Variants in MCTP1 observed in about 807,000 individuals in gnomAD.
MCTP1 encodes the protein multiple C2 and transmembrane domain-containing protein 1.
Under a neutral mutation model 120.6 loss-of-function variants are expected in MCTP1, and 69 were observed. The ratio of observed to expected loss-of-function variants is 0.57; its 90% CI spans 0.47 to 0.70. MCTP1 has a LOEUF of 0.70. MCTP1 is among the 30% of genes least tolerant of loss of function. MCTP1 has a pLI of 0.00. For missense variants in MCTP1, 1,203 were observed against 1,248.8 expected, an observed-to-expected ratio of 0.96 and a Z score of 0.55; for synonymous variants, 529 against 493.1, an observed-to-expected ratio of 1.07 and a Z score of -0.96.
chr5:95,057,340 A>T (rs2152065200), intron 1 of MCTP1, among the ~76,000 whole-genome samples: 1 of 152,220 alleles, frequency 6.6e-6, no homozygotes, highest in East Asian at 1.9e-4. Context: ...GAAAATTCTT[A>T]TTTTTCCTGC....
At chr5:94,980,900 T>G (rs71641033) in intron 2 of MCTP1, 8 of 152,084 alleles carry the variant, frequency 5.3e-5, no homozygotes, top group Non-Finnish European at 1.2e-4. Context: ...ATCATATTAT[T>G]CCATATAGTC....
At chr5:95,002,333 C>A (rs1476988007) in intron 2 of MCTP1, among the ~76,000 whole-genome samples, 2 of 152,182 alleles carry the variant, frequency 1.3e-5, no homozygotes, top group Non-Finnish European at 2.9e-5. Flanking sequence ...AAGAGGGTCA[C>A]CGTCCTCCAG....
At position 95,284,654 on chromosome 5, in the gene MCTP1, T is replaced by G. The variant is rs1221471998; in HGVS notation, c.-79A>C. 2 of 1,189,132 alleles carry G rather than the reference T, an allele frequency of 1.7e-6. No homozygotes were observed. The highest frequency in any genetic ancestry group is 3.2e-5 in the East Asian group (1 of 31,440). The allele number at this position is 1,189,132 out of a possible 1,614,324, so 73.7% of individuals were successfully genotyped here. A position where few individuals can be genotyped will look rare whatever the true frequency, so the allele number is the denominator to read the frequency against. Reference sequence around the variant, plus strand: ...CTCCTCCCTCTTCGGCTGCACCTCCTCCCGGGTCCCCGCGGCGCTGGCGGT... The same window carrying G: ...CTCCTCCCTCTTCGGCTGCACCTCCGCCCGGGTCCCCGCGGCGCTGGCGGT... On this transcript the variant is annotated 5_prime_UTR_variant, in exon 1 of 23. Transcript: ENST00000515393. This position sits in a 1 kb window ranked among gnomAD's most constrained non-coding sequence, Gnocchi z 5.2.
intron 14 of MCTP1, 106 bp downstream of exon 14, chr5:94,871,209 C>T: frequency 1.3e-6 from 1 of 778,024 alleles, no homozygotes. Context: ...TATTACAGAC[C>T]TTGGTTGAGA....
At chr5:94,795,266 G>A (rs1779767191) in intron 18 of MCTP1, among the ~76,000 whole-genome samples, 1 of 151,838 alleles carries the variant, frequency 6.6e-6, no homozygotes, top group African/African-American at 2.4e-5. Context: ...GGTGGGGTGG[G>A]GATGGCGGCA....
At chr5:94,929,942 T>G (rs1814126277) in intron 6 of MCTP1, among the ~76,000 whole-genome samples, 1 of 152,118 alleles carries the variant, frequency 6.6e-6, no homozygotes, top group Non-Finnish European at 1.5e-5. Flanking sequence ...AAGTTGAAAA[T>G]CCCTTAGGCT....
intron 19 of MCTP1, among the ~76,000 whole-genome samples, chr5:94,768,944 T>G (rs1260076539): frequency 6.6e-6 from 1 of 152,176 alleles, no homozygotes; most frequent in Admixed American, 6.5e-5. Flanking sequence ...CCATATTCAT[T>G]GCAGCACTAT....
intron 1 of MCTP1, among the ~76,000 whole-genome samples, chr5:95,140,693 TAAAAAAAAA>T (rs35248317): frequency 1.3e-3 from 37 of 27,628 alleles, no homozygotes; most frequent in African/African-American, 3.5e-3. Flanking sequence ...CTGTCCCTAC[TAAAAAAAAA>T]AAAAAAAAAA....
At chr5:94,866,765 A>G (rs1343612436) in intron 17 of MCTP1, among the ~76,000 whole-genome samples, 1 of 151,590 alleles carries the variant, frequency 6.6e-6, no homozygotes, top group Non-Finnish European at 1.5e-5. Context: ...TTTTAGAATC[A>G]AAAGGAAATT....
chr5:95,185,150 T>C (rs1749062700), intron 1 of MCTP1, among the ~76,000 whole-genome samples: 1 of 152,146 alleles, frequency 6.6e-6, no homozygotes, highest in South Asian at 2.1e-4. Context: ...TACACAACCA[T>C]TCTGAGAAAA....
intron 17 of MCTP1, among the ~76,000 whole-genome samples, chr5:94,865,755 C>T (rs1796682837): frequency 6.6e-6 from 1 of 151,882 alleles, no homozygotes; most frequent in Non-Finnish European, 1.5e-5. Flanking sequence ...TTTAAAAGCT[C>T]TTTTAGAAAG....
intron 1 of MCTP1, chr5:95,038,089 C>G: frequency 1.0e-6 from 1 of 982,662 alleles, no homozygotes; most frequent in Non-Finnish European, 1.2e-6. Context: ...TCCTTTCAAA[C>G]ATTCGAACAA....
At chr5:95,061,247 C>T (rs1015898294) in intron 1 of MCTP1, among the ~76,000 whole-genome samples, 1 of 150,734 alleles carries the variant, frequency 6.6e-6, no homozygotes, top group South Asian at 2.1e-4. Context: ...GGAATAACTA[C>T]TAGCAAAAGA....
At chr5:94,908,379 AT>A (rs1261798863) in intron 10 of MCTP1, among the ~76,000 whole-genome samples, 1 of 152,068 alleles carries the variant, frequency 6.6e-6, no homozygotes, top group Non-Finnish European at 1.5e-5. Context: ...CATAAAAAAA[AT>A]CAAGAGATAA....
At chr5:95,102,224 G>C (rs1756787153) in intron 1 of MCTP1, among the ~76,000 whole-genome samples, 1 of 152,118 alleles carries the variant, frequency 6.6e-6, no homozygotes, top group Admixed American at 6.5e-5. Context: ...TTGCCTATGT[G>C]AACCAGCTGA....
chr5:95,178,624 G>A (rs1018794724), intron 1 of MCTP1, among the ~76,000 whole-genome samples: 2 of 152,136 alleles, frequency 1.3e-5, no homozygotes, highest in Non-Finnish European at 2.9e-5. Context: ...TAGGGGAAGG[G>A]GGAGAACACC....
chr5:95,060,832 C>G (rs1046266503), intron 1 of MCTP1, among the ~76,000 whole-genome samples: 1 of 151,506 alleles, frequency 6.6e-6, no homozygotes, highest in East Asian at 2.0e-4. Context: ...ATTAGCCAAG[C>G]GTGGTGGTGC....
intron 2 of MCTP1, among the ~76,000 whole-genome samples, chr5:94,985,836 G>A (rs1830328002): frequency 6.6e-6 from 1 of 152,190 alleles, no homozygotes; most frequent in Non-Finnish European, 1.5e-5. Flanking sequence ...GCCATGGAAG[G>A]AATGGATAAA....
chr5:95,009,349 A>G (rs1835455914), intron 2 of MCTP1, among the ~76,000 whole-genome samples: 2 of 152,148 alleles, frequency 1.3e-5, no homozygotes, highest in South Asian at 4.1e-4. Context: ...AGCCATGTCA[A>G]AACATTATAT....
Sources: allele counts gnomAD v4.1 joint callset (sites outside exome capture counted in the v4.1 genomes callset), GRCh38; gene constraint gnomAD v4.1.1; non-coding constraint Gnocchi (gnomAD v3.1); transcripts MANE v1.5; gene names NCBI Gene and HGNC (gene_info 2026-07-23, HGNC 2026-07-21).